The following PLB1 variants were observed in gnomAD, a reference collection of about 807,000 sequenced individuals.
The protein encoded by PLB1 is phospholipase B1.
Under a neutral mutation model 227.4 loss-of-function variants are expected in PLB1, and 242 were observed. The observed-to-expected ratio is 1.06, with a 90% CI of 0.96 to 1.18. The LOEUF (loss-of-function observed/expected upper bound fraction) is 1.18, where lower values mean the gene tolerates loss of function less well. Among genes scored for constraint, PLB1 ranks in the 50% most tolerant of loss-of-function variants. PLB1 has a pLI of 0.00. For synonymous variants in PLB1, 757 were observed against 682.2 expected, an observed-to-expected ratio of 1.11 and a Z score of -1.71; for missense variants, 1,858 against 1,816.3, an observed-to-expected ratio of 1.02 and a Z score of -0.42.
chr2:28,576,804 A>G (rs1679034709), intron 21 of PLB1, among the ~76,000 whole-genome samples: 1 of 152,204 alleles, frequency 6.6e-6, no homozygotes, highest in Non-Finnish European at 1.5e-5. Flanking sequence ...TGCTCTGATA[A>G]CTTCAGATTT....
At chr2:28,564,869 GCA>G (rs1676625426) in intron 18 of PLB1, among the ~76,000 whole-genome samples, 1 of 151,580 alleles carries the variant, frequency 6.6e-6, no homozygotes, top group South Asian at 2.1e-4. Context: ...ATTTTAAACT[GCA>G]TAGGTGAGAT....
intron 44 of PLB1, among the ~76,000 whole-genome samples, chr2:28,616,794 G>T (rs1472421314): frequency 6.6e-6 from 1 of 151,746 alleles, no homozygotes; most frequent in Non-Finnish European, 1.5e-5. Context: ...AATTCCATAG[G>T]ATTAAGCAAA....
rs1677723762 is a variant in PLB1 at position 28,569,972 on chromosome 2, AAAAAAAAGAAAG to A, written c.1324+3140_1324+3151del. On this transcript the variant is annotated intron_variant, in intron 20 of 57. Coordinates refer to ENST00000327757, the MANE Select transcript of PLB1 (RefSeq NM_153021.5). ...CAGAGCGAGACTCCATCTCAAAAAA[AAAAAAAAGAAAG>A]AAAAAAGAAAATCTGAATAGATTTA... 1.5e-5 allele frequency among the ~76,000 whole-genome samples: 2 copies of A among 133,716 alleles called. 1 individual carries two copies. Among genetic ancestry groups the A allele is most frequent in the Non-Finnish European group, 3.4e-5 (2 of 58,636 alleles). The allele number at this position is 133,716 out of a possible 152,430, so 87.7% of individuals were successfully genotyped here.
intron 56 of PLB1, among the ~76,000 whole-genome samples, chr2:28,633,977 C>G (rs944299371): frequency 3.3e-5 from 5 of 152,216 alleles, no homozygotes; most frequent in African/African-American, 1.2e-4. Flanking sequence ...GTTCCCACCC[C>G]TGTCAGCTCA....
At chr2:28,504,832 T>C (rs1330754769) in intron 1 of PLB1, among the ~76,000 whole-genome samples, 2 of 152,224 alleles carry the variant, frequency 1.3e-5, no homozygotes, top group African/African-American at 4.8e-5. Context: ...TTGTGATCTG[T>C]TTCTTTTGTT....
intron 18 of PLB1, among the ~76,000 whole-genome samples, 159 bp from the exon 19 acceptor site, chr2:28,565,121 G>T (rs1676660770): frequency 6.6e-6 from 1 of 152,140 alleles, no homozygotes; most frequent in Non-Finnish European, 1.5e-5. Context: ...CTCTGAAAAG[G>T]CAGGATACAT....
At chr2:28,637,754 G>A (rs925775318) in intron 56 of PLB1, among the ~76,000 whole-genome samples, 18 of 152,286 alleles carry the variant, frequency 1.2e-4, no homozygotes, top group African/African-American at 4.3e-4. Context: ...TCCTTCTCCT[G>A]GATTGCCCTT....
chr2:28,599,056 G>A (rs1274734925), intron 35 of PLB1, among the ~76,000 whole-genome samples: 1 of 152,216 alleles, frequency 6.6e-6, no homozygotes, highest in African/African-American at 2.4e-5. Flanking sequence ...AACTCACCAA[G>A]GCACAACAGT....
intron 18 of PLB1, among the ~76,000 whole-genome samples, chr2:28,563,395 C>T (rs1260915329): frequency 6.6e-6 from 1 of 152,066 alleles, no homozygotes; most frequent in Non-Finnish European, 1.5e-5. Context: ...AGTGACCCAC[C>T]CCAAGTCACA....
chr2:28,601,577 T>C (rs971662738), intron 37 of PLB1, among the ~76,000 whole-genome samples: 3 of 152,096 alleles, frequency 2.0e-5, no homozygotes, highest in African/African-American at 7.2e-5. Flanking sequence ...GGCAGATATA[T>C]GGTATTTCTA....
At chr2:28,636,173 C>T (rs1689338595) in intron 56 of PLB1, among the ~76,000 whole-genome samples, 1 of 152,196 alleles carries the variant, frequency 6.6e-6, no homozygotes, top group Non-Finnish European at 1.5e-5. Flanking sequence ...ATTCTCCTGC[C>T]TCAGTCTCCC....
chr2:28,642,337 C>A (rs576356440), intron 57 of PLB1, among the ~76,000 whole-genome samples: 1 of 124,206 alleles, frequency 8.1e-6, no homozygotes, highest in Non-Finnish European at 1.7e-5. Flanking sequence ...AATTCACATT[C>A]ACTGAGAGGA....
chr2:28,581,855 G>A (rs1680072471), intron 23 of PLB1, among the ~76,000 whole-genome samples: 1 of 152,134 alleles, frequency 6.6e-6, no homozygotes, highest in Non-Finnish European at 1.5e-5. Flanking sequence ...CAGTTACTTG[G>A]GAGGCTGAGG....
chr2:28,618,415 T>C lies in PLB1; in HGVS notation c.3315+16T>C, dbSNP rs542456622. 6.2e-6 allele frequency: 10 copies of C among 1,612,988 alleles called. No homozygotes were observed. The South Asian group carries it at 7.7e-5, about 12-fold the overall frequency. On this transcript the variant is annotated intron_variant, in intron 46 of 57. Coordinates refer to ENST00000327757, the MANE Select transcript of PLB1 (RefSeq NM_153021.5). Reference sequence around the variant, plus strand: ...CTCTCTGACTGTGAGTAGTGAGCCATGAACCAGGATGGGCAGCTCAGAGTC... The same window carrying C: ...CTCTCTGACTGTGAGTAGTGAGCCACGAACCAGGATGGGCAGCTCAGAGTC...
chr2:28,529,243 C>A (rs879397320), intron 6 of PLB1, 74 bp from the exon 7 acceptor site: 4 of 1,004,762 alleles, frequency 4.0e-6, no homozygotes, highest in Non-Finnish European at 4.7e-6. Flanking sequence ...CCACTCCTGG[C>A]AGTAGGTAGG....
intron 32 of PLB1, 175 bp downstream of exon 32, chr2:28,592,894 T>C (rs1573256824): frequency 1.7e-6 from 1 of 601,428 alleles, no homozygotes; most frequent in African/African-American, 1.9e-5. Context: ...CTCAAACGGA[T>C]ATGCAGAGGA....
intron 9 of PLB1, among the ~76,000 whole-genome samples, chr2:28,536,861 C>T (rs1375429070): frequency 6.6e-6 from 1 of 152,192 alleles, no homozygotes; most frequent in Non-Finnish European, 1.5e-5. Flanking sequence ...GGGTGGGCCC[C>T]AATTCCCTCT....
intron 25 of PLB1, 176 bp from the exon 26 acceptor site, chr2:28,585,582 ATCT>A (rs1487812002): frequency 6.8e-6 from 4 of 587,024 alleles, no homozygotes; most frequent in Non-Finnish European, 1.2e-5. Flanking sequence ...TGGCCTGGAA[ATCT>A]TCTTTAGCTT....
chr2:28,529,242 G>A, intron 6 of PLB1, 75 bp from the exon 7 acceptor site: 1 of 996,220 alleles, frequency 1.0e-6, no homozygotes, highest in Non-Finnish European at 1.6e-6. Context: ...ACCACTCCTG[G>A]CAGTAGGTAG....
Sources: gnomAD v4.1 joint callset for allele counts (sites outside exome capture counted in the v4.1 genomes callset) on GRCh38, gnomAD v4.1.1 for gene constraint, MANE v1.5 for transcripts, NCBI Gene and HGNC (gene_info 2026-07-23, HGNC 2026-07-21) for gene names.